PHACTR3: variants seen among roughly 807,000 people sequenced by gnomAD.
PHACTR3 encodes the protein phosphatase and actin regulator 3.
PHACTR3 carries 16 observed loss-of-function variants against 66.8 expected under a neutral mutation model. The ratio of observed to expected loss-of-function variants is 0.24; its 90% confidence interval spans 0.16 to 0.36. PHACTR3 has a LOEUF of 0.36. Among genes scored for constraint, PHACTR3 ranks in the 10% least tolerant of loss-of-function variants. The probability of loss-of-function intolerance (pLI) is 1.00; values close to 1 mark genes in which losing one functional copy is unlikely to be tolerated. For synonymous variants in PHACTR3, 323 were observed against 292.1 expected (o/e 1.11, Z -1.08); for missense variants, 647 against 719.9 (o/e 0.90, Z 1.16).
Position 59,743,124 on chromosome 20 carries a change from C to T in PHACTR3, c.136C>T (p.Pro46Ser), listed in dbSNP as rs1372558736. The change falls in exon 2 of 13, where the codon CCC becomes TCC. Residue 46 changes from proline to serine, a missense_variant. Physicochemically the swap from Pro to Ser is moderately conservative, Grantham distance 74. Coordinates refer to ENST00000371015, the MANE Select transcript of PHACTR3 (RefSeq NM_080672.5). The stretch of plus-strand genomic sequence containing the variant: ...TCTTCCAGATGAGATGGACCAAACG[C>T]CCCCGGCGCGTCCTGAATATCTGGT... ...GENPDEMDQT[P>S]PARPEYLVSG... 4 of 1,613,694 alleles carry T rather than the reference C, an allele frequency of 2.5e-6. No individual in the cohort carries two copies. The highest frequency in any genetic ancestry group is 2.2e-5 in the East Asian group (1 of 44,850).
intron 7 of PHACTR3, among the ~76,000 whole-genome samples, chr20:59,781,646 T>C (rs1453924452): frequency 6.6e-6 from 1 of 152,238 alleles, no homozygotes; most frequent in Non-Finnish European, 1.5e-5. Flanking sequence ...ACATTATTTA[T>C]TTATAAACTA....
chr20:59,717,472 G>A (rs2038132832), intron 1 of PHACTR3, among the ~76,000 whole-genome samples: 2 of 152,174 alleles, frequency 1.3e-5, no homozygotes, highest in South Asian at 2.1e-4. Flanking sequence ...ACTGTGCTGA[G>A]TGCTTTATCT....
chr20:59,659,888 G>A (rs140643427), intron 1 of PHACTR3, among the ~76,000 whole-genome samples: 3 of 152,112 alleles, frequency 2.0e-5, no homozygotes, highest in African/African-American at 4.8e-5. Context: ...AGAGAGCTAC[G>A]TTTGTTTTCT....
chr20:59,706,559 G>A (rs986609276), intron 1 of PHACTR3, among the ~76,000 whole-genome samples: 2 of 152,224 alleles, frequency 1.3e-5, no homozygotes, highest in African/African-American at 4.8e-5. Flanking sequence ...AGGAGCCAGT[G>A]CTGCTCCCGG....
intron 1 of PHACTR3, among the ~76,000 whole-genome samples, chr20:59,668,060 G>C (rs565612864): frequency 2.0e-5 from 3 of 152,288 alleles, no homozygotes; most frequent in Non-Finnish European, 4.4e-5. Flanking sequence ...ACAGATAGAG[G>C]TGGGCACATA....
At chr20:59,680,688 C>A (rs2036611597) in intron 1 of PHACTR3, among the ~76,000 whole-genome samples, 1 of 152,002 alleles carries the variant, frequency 6.6e-6, no homozygotes, top group Admixed American at 6.6e-5. Context: ...CATCAACTAT[C>A]ATTAGTGTTA....
intron 1 of PHACTR3, among the ~76,000 whole-genome samples, chr20:59,644,249 G>A (rs1403112092): frequency 6.6e-6 from 1 of 152,150 alleles, no homozygotes; most frequent in East Asian, 1.9e-4. Flanking sequence ...GATGGAGAAG[G>A]CAGCTGCAAA....
At chr20:59,632,651 A>T (rs867434643) in intron 1 of PHACTR3, among the ~76,000 whole-genome samples, 8 of 152,236 alleles carry the variant, frequency 5.3e-5, no homozygotes, top group Middle Eastern at 6.8e-3. Context: ...TCAGTTAAAC[A>T]CTTCCTCCCT....
intron 7 of PHACTR3, among the ~76,000 whole-genome samples, chr20:59,778,537 ACCTT>A (rs2040614912): frequency 6.6e-6 from 1 of 151,926 alleles, no homozygotes; most frequent in East Asian, 1.9e-4. Context: ...TTCTCACCCA[ACCTT>A]ATTTCCCCTA....
intron 1 of PHACTR3, among the ~76,000 whole-genome samples, chr20:59,713,685 G>A (rs1223159915): frequency 6.6e-6 from 1 of 150,728 alleles, no homozygotes; most frequent in Admixed American, 6.6e-5. Flanking sequence ...GTTATTTCTA[G>A]TATTTGGCTG....
At chr20:59,664,626 C>G (rs2035924767) in intron 1 of PHACTR3, among the ~76,000 whole-genome samples, 1 of 152,228 alleles carries the variant, frequency 6.6e-6, no homozygotes. Context: ...CAGTGCCTCA[C>G]TGCTGGCAGA....
intron 3 of PHACTR3, among the ~76,000 whole-genome samples, chr20:59,748,640 C>G (rs1328932608): frequency 6.6e-6 from 1 of 152,170 alleles, no homozygotes; most frequent in Admixed American, 6.5e-5. Flanking sequence ...GCCCTTGGTG[C>G]CTTCCGGTTC....
chr20:59,700,387 A>G (rs1373883463), intron 1 of PHACTR3, among the ~76,000 whole-genome samples: 1 of 152,186 alleles, frequency 6.6e-6, no homozygotes, highest in Non-Finnish European at 1.5e-5. Flanking sequence ...TATTTGTAAC[A>G]TATGTTCTGA....
chr20:59,598,406 G>A (rs890598729), intron 1 of PHACTR3, among the ~76,000 whole-genome samples: 1 of 152,176 alleles, frequency 6.6e-6, no homozygotes, highest in Admixed American at 6.5e-5. Flanking sequence ...GCTCAGCGGG[G>A]CCACACAGTC....
intron 4 of PHACTR3, among the ~76,000 whole-genome samples, chr20:59,756,698 G>T (rs1051507255): frequency 4.6e-5 from 7 of 151,782 alleles, no homozygotes; most frequent in Admixed American, 4.6e-4. Context: ...AATACTTTAA[G>T]TTCTAGGGTA....
intron 8 of PHACTR3, among the ~76,000 whole-genome samples, chr20:59,811,355 C>T (rs1422985466): frequency 6.6e-6 from 1 of 152,210 alleles, no homozygotes; most frequent in Non-Finnish European, 1.5e-5. Context: ...TTCACACTTG[C>T]TCTAAAGCAG....
chr20:59,793,595 C>T (rs550993226), intron 7 of PHACTR3, among the ~76,000 whole-genome samples: 1 of 152,212 alleles, frequency 6.6e-6, no homozygotes, highest in East Asian at 1.9e-4. Context: ...TATTGCTGTA[C>T]AGAAACAGTA....
chr20:59,813,806 C>T (rs554199551), intron 8 of PHACTR3, among the ~76,000 whole-genome samples: 7 of 152,042 alleles, frequency 4.6e-5, no homozygotes, highest in Non-Finnish European at 1.0e-4. Flanking sequence ...CTGTGCTGCC[C>T]GCTATGGGTT....
chr20:59,674,470 C>G (rs1314213475), intron 1 of PHACTR3, among the ~76,000 whole-genome samples: 1 of 127,474 alleles, frequency 7.8e-6, no homozygotes, highest in African/African-American at 3.4e-5. Context: ...CCTCTCTTCT[C>G]CTGTTCCCCC....
Sources: allele counts gnomAD v4.1 joint callset (sites outside exome capture counted in the v4.1 genomes callset), GRCh38; gene constraint gnomAD v4.1.1; transcripts MANE v1.5; gene names NCBI Gene and HGNC (gene_info 2026-07-23, HGNC 2026-07-21).